Variants in RORB observed in about 807,000 individuals in gnomAD.
RORB encodes nuclear receptor ROR-beta.
RORB carries 6 observed loss-of-function variants against 59.1 expected under a neutral mutation model. The observed-to-expected ratio is 0.10, with a 90% confidence interval of 0.06 to 0.20. The LOEUF (loss-of-function observed/expected upper bound fraction) is 0.20. Among genes scored for constraint, RORB ranks in the 10% least tolerant of loss-of-function variants. The pLI is 1.00. For synonymous variants in RORB, 215 were observed against 204.5 expected (o/e 1.05, Z -0.44); for missense variants, 320 against 560.5 (o/e 0.57, Z 4.33).
At chr9:74,685,419 T>C in intron 9 of RORB, 44 bp from the exon 10 acceptor site, 1 of 1,522,280 alleles carries the variant, frequency 6.6e-7, no homozygotes, top group Non-Finnish European at 9.0e-7. Flanking sequence ...AGAGCACTAA[T>C]GAGCTTCCCT....
At chr9:74,675,316 T>C (rs1189551126) in intron 9 of RORB, among the ~76,000 whole-genome samples, 1 of 149,322 alleles carries the variant, frequency 6.7e-6, no homozygotes, top group Non-Finnish European at 1.5e-5. Flanking sequence ...AAAAAATACA[T>C]ACATATATAT....
At chr9:74,654,333 G>GGAGAGAGAGAGAGAGAGA (rs60137307) in intron 4 of RORB, among the ~76,000 whole-genome samples, 2 of 138,616 alleles carry the variant, frequency 1.4e-5, no homozygotes, top group African/African-American at 5.3e-5. Context: ...CAGTCTCAGG[G>GGAGAGAGAGAGAGAGAGA]GAGAGAGAGA....
chr9:74,619,693 G>A (rs1279912185), intron 1 of RORB, among the ~76,000 whole-genome samples: 1 of 152,028 alleles, frequency 6.6e-6, no homozygotes, highest in Non-Finnish European at 1.5e-5. Context: ...CTCATGATCT[G>A]CCCACCTCAG....
intron 2 of RORB, among the ~76,000 whole-genome samples, chr9:74,633,689 A>T (rs1245558534): frequency 6.6e-6 from 1 of 152,132 alleles, no homozygotes; most frequent in Non-Finnish European, 1.5e-5. Context: ...ATCTTTTAAA[A>T]ATCAACTCAG....
intron 1 of RORB, among the ~76,000 whole-genome samples, chr9:74,551,214 ATAG>A (rs1826603201): frequency 6.6e-6 from 1 of 152,222 alleles, no homozygotes; most frequent in African/African-American, 2.4e-5. Context: ...GAAACTTTGG[ATAG>A]TAGTAAACCC....
chr9:74,665,868 G>A lies in RORB; in HGVS notation c.1000+273G>A, dbSNP rs569368218. 1.7e-4 allele frequency among the ~76,000 whole-genome samples: 26 copies of A among 152,316 alleles called. No homozygotes were observed. The South Asian group carries it at 3.7e-3, about 22-fold the overall frequency. Reference sequence around the variant, plus strand: ...ATTCAGAAATAAATGGAGGCCCAGCGTGGTGGCTCATGCGTATAATCCTAG... The same window carrying A: ...ATTCAGAAATAAATGGAGGCCCAGCATGGTGGCTCATGCGTATAATCCTAG... On this transcript the variant is annotated intron_variant, in intron 7 of 9. Transcript: ENST00000376896.
At chr9:74,543,501 A>G (rs1185702664) in intron 1 of RORB, among the ~76,000 whole-genome samples, 3 of 152,184 alleles carry the variant, frequency 2.0e-5, no homozygotes, top group African/African-American at 4.8e-5. Context: ...TGTGCCAGAC[A>G]CTATTCTAGC....
chr9:74,596,109 C>T (rs970359987), intron 1 of RORB, among the ~76,000 whole-genome samples: 3 of 152,102 alleles, frequency 2.0e-5, no homozygotes, highest in Non-Finnish European at 4.4e-5. Context: ...AGAGCTGTAG[C>T]ACTGAGGGCT....
At chr9:74,621,723 A>C (rs1380756983) in intron 1 of RORB, among the ~76,000 whole-genome samples, 1 of 152,142 alleles carries the variant, frequency 6.6e-6, no homozygotes, top group Non-Finnish European at 1.5e-5. Flanking sequence ...CAAACATTCC[A>C]TTTGTTCTGT....
intron 1 of RORB, among the ~76,000 whole-genome samples, chr9:74,587,541 T>C (rs1428751524): frequency 6.6e-6 from 1 of 152,078 alleles, no homozygotes; most frequent in Non-Finnish European, 1.5e-5. Context: ...GTCAACTGGG[T>C]GGTTCTTCTT....
chr9:74,629,094 C>T (rs182137012), intron 1 of RORB, among the ~76,000 whole-genome samples: 22 of 152,138 alleles, frequency 1.4e-4, no homozygotes, highest in Admixed American at 1.2e-3. Context: ...GTTTCCATGT[C>T]GGTTCCCTTT....
intron 1 of RORB, among the ~76,000 whole-genome samples, chr9:74,570,160 G>A (rs929515675): frequency 2.6e-5 from 4 of 151,954 alleles, no homozygotes; most frequent in Admixed American, 2.6e-4. Context: ...ATTTTTAATG[G>A]AAGGATGTTT....
At chr9:74,625,011 C>A (rs1022007769) in intron 1 of RORB, among the ~76,000 whole-genome samples, 1 of 151,666 alleles carries the variant, frequency 6.6e-6, no homozygotes, top group African/African-American at 2.4e-5. Context: ...GAATCATAGC[C>A]GGGTCAGATG....
intron 9 of RORB, among the ~76,000 whole-genome samples, chr9:74,677,994 C>G (rs1824474195): frequency 1.3e-5 from 2 of 152,078 alleles, no homozygotes; most frequent in Non-Finnish European, 2.9e-5. Flanking sequence ...GCCTCACTGA[C>G]TACAATGAAA....
At chr9:74,571,376 C>T (rs937188976) in intron 1 of RORB, among the ~76,000 whole-genome samples, 4 of 149,738 alleles carry the variant, frequency 2.7e-5, no homozygotes, top group Non-Finnish European at 5.9e-5. Context: ...CAGTATTTTT[C>T]ACTACAGTAC....
chr9:74,534,424 A>G (rs549671652), intron 1 of RORB, among the ~76,000 whole-genome samples: 1 of 152,154 alleles, frequency 6.6e-6, no homozygotes, highest in South Asian at 2.1e-4. Context: ...ATACCCTCCA[A>G]TCTAATGAGT....
At chr9:74,614,358 T>G (rs971975495) in intron 1 of RORB, among the ~76,000 whole-genome samples, 2 of 152,152 alleles carry the variant, frequency 1.3e-5, no homozygotes, top group African/African-American at 4.8e-5. Flanking sequence ...CAAATATCAC[T>G]TTTTTAAATT....
intron 4 of RORB, among the ~76,000 whole-genome samples, chr9:74,643,382 G>T (rs1430003077): frequency 6.6e-6 from 1 of 152,170 alleles, no homozygotes; most frequent in Admixed American, 6.5e-5. Flanking sequence ...AAAGAGTGTA[G>T]TCTGGAATCT....
chr9:74,658,267 G>T (rs1345991240), intron 4 of RORB, among the ~76,000 whole-genome samples: 2 of 152,118 alleles, frequency 1.3e-5, no homozygotes, highest in Admixed American at 6.5e-5. Flanking sequence ...AAAGTGTGAT[G>T]GCAGCCAGCC....
Sources: allele counts gnomAD v4.1 joint callset (sites outside exome capture counted in the v4.1 genomes callset), GRCh38; gene constraint gnomAD v4.1.1; transcripts MANE v1.5; gene names NCBI Gene and HGNC (gene_info 2026-07-23, HGNC 2026-07-21).